Variants in ZMIZ1 observed in about 807,000 individuals in gnomAD.
ZMIZ1 encodes the protein zinc finger MIZ domain-containing protein 1.
Under a neutral mutation model 113.9 loss-of-function variants are expected in ZMIZ1, and 17 were observed. The observed-to-expected ratio is 0.15, with a 90% CI of 0.10 to 0.22. The LOEUF (loss-of-function observed/expected upper bound fraction) is 0.22, where lower values mean the gene tolerates loss of function less well. ZMIZ1 is among the 10% of genes least tolerant of loss of function. The pLI, the probability that ZMIZ1 is intolerant of heterozygous loss-of-function variation, is 1.00. For missense variants in ZMIZ1, 1,059 were observed against 1,477.8 expected, an observed-to-expected ratio of 0.72 and a Z score of 4.65; for synonymous variants, 607 against 603.1, an observed-to-expected ratio of 1.01 and a Z score of -0.09.
At chr10:79,235,492 G>GT (rs1473903425) in intron 7 of ZMIZ1, among the ~76,000 whole-genome samples, 2 of 152,168 alleles carry the variant, frequency 1.3e-5, no homozygotes, top group Non-Finnish European at 2.9e-5. Context: ...CACCAGTACA[G>GT]GGTCCCTTCT....
chr10:79,081,919 C>T (rs747994106), intron 1 of ZMIZ1, among the ~76,000 whole-genome samples: 9 of 152,244 alleles, frequency 5.9e-5, no homozygotes, highest in Non-Finnish European at 1.2e-4. Flanking sequence ...GCCCTGGAGA[C>T]CATCCAGGCC....
chr10:79,311,294 TGGGCGG>T, intron 24 of ZMIZ1, 110 bp downstream of exon 24: 7 of 99,144 alleles, frequency 7.1e-5, no homozygotes, highest in Non-Finnish European at 1.1e-4. Flanking sequence ...AGGAGGTGGG[TGGGCGG>T]TGGGAGGGCT....
intron 6 of ZMIZ1, among the ~76,000 whole-genome samples, chr10:79,214,740 TG>T (rs1212531303): frequency 6.6e-6 from 1 of 152,192 alleles, no homozygotes; most frequent in Non-Finnish European, 1.5e-5. Flanking sequence ...CTACCACATC[TG>T]GGTGCTCTCC....
intron 1 of ZMIZ1, among the ~76,000 whole-genome samples, chr10:79,076,677 T>C (rs1842485736): frequency 6.6e-6 from 1 of 152,114 alleles, no homozygotes; most frequent in Middle Eastern, 3.4e-3. Context: ...CTGCTAAAGA[T>C]ACAAAAATTA....
At chr10:79,292,652 G>C (rs971746073) in intron 11 of ZMIZ1, 2 of 499,858 alleles carry the variant, frequency 4.0e-6, no homozygotes, top group Admixed American at 2.7e-5. Flanking sequence ...GGTTCTACAT[G>C]GCTCTCTGGG....
chr10:79,210,049 C>T (rs1216804834), intron 6 of ZMIZ1, among the ~76,000 whole-genome samples: 2 of 152,246 alleles, frequency 1.3e-5, no homozygotes, highest in African/African-American at 4.8e-5. Context: ...ATCCCCTTCT[C>T]CCTCCGCCCC....
intron 1 of ZMIZ1, among the ~76,000 whole-genome samples, chr10:79,086,169 G>C (rs1304804549): frequency 1.3e-5 from 2 of 152,198 alleles, no homozygotes; most frequent in Admixed American, 1.3e-4. Flanking sequence ...AAAGGGCCTT[G>C]CCATGGTTGA....
chr10:79,114,485 G>C lies in ZMIZ1; in HGVS notation c.-336-4430G>C, dbSNP rs867152549. The stretch of plus-strand genomic sequence containing the variant: ...TGTATGTGTGTGTGTGTCTGTGTGT[G>C]TGTGTGTGCGTGTGTGTGTGCGTGT... On this transcript the variant is annotated intron_variant, in intron 1 of 24. Coordinates refer to ENST00000334512, the MANE Select transcript of ZMIZ1 (RefSeq NM_020338.4). Among the ~76,000 whole-genome samples, 685 of 103,664 alleles carry C rather than the reference G, an allele frequency of 6.6e-3. 9 individuals carry two copies. The highest frequency in any genetic ancestry group is 0.023 in the African/African-American group (648 of 27,606). The allele number at this position is 103,664 out of a possible 152,430, so 68.0% of individuals were successfully genotyped here. A position where few individuals can be genotyped will look rare whatever the true frequency, so the allele number is the denominator to read the frequency against.
Position 79,074,650 on chromosome 10 carries a change from C to T in ZMIZ1, c.-337+5380C>T, listed in dbSNP as rs575792024. 9.8e-5 allele frequency among the ~76,000 whole-genome samples: 15 copies of T among 152,350 alleles called. No individual in the cohort carries two copies. In the South Asian group the frequency reaches 1.7e-3, roughly 17 times the overall value. ...TCCTATGGTTTCTGTAGTCCCTCTT[C>T]GGGCTGAGTCAGTCCCCAGGCTATG... is the stretch of plus-strand genomic sequence containing the variant. On this transcript the variant is annotated intron_variant, in intron 1 of 24. Transcript: ENST00000334512.
intron 9 of ZMIZ1, 55 bp from the exon 10 acceptor site, chr10:79,290,904 C>T (rs1352632671): frequency 1.3e-6 from 2 of 1,595,426 alleles, no homozygotes; most frequent in Non-Finnish European, 1.7e-6. Context: ...ATCCCTCTTC[C>T]TCTCCACACT....
intron 11 of ZMIZ1, chr10:79,292,840 C>A: frequency 2.2e-6 from 1 of 462,918 alleles, no homozygotes; most frequent in Non-Finnish European, 4.3e-6. Context: ...AGAGGGGAGC[C>A]CCCATAGGAA....
At chr10:79,183,637 G>A (rs1220282701) in intron 4 of ZMIZ1, among the ~76,000 whole-genome samples, 2 of 152,242 alleles carry the variant, frequency 1.3e-5, no homozygotes, top group East Asian at 3.9e-4. Context: ...CATTGGCACT[G>A]TGAGTTACTA....
intron 7 of ZMIZ1, among the ~76,000 whole-genome samples, chr10:79,217,762 C>G (rs1848798169): frequency 6.6e-6 from 1 of 152,210 alleles, no homozygotes; most frequent in South Asian, 2.1e-4. Flanking sequence ...TGTGTGGTGG[C>G]CTCATTAGCC....
At chr10:79,163,768 G>A (rs1156583380) in intron 4 of ZMIZ1, among the ~76,000 whole-genome samples, 5 of 152,222 alleles carry the variant, frequency 3.3e-5, no homozygotes, top group South Asian at 2.1e-4. Context: ...TGCCCAGCCC[G>A]CCAAGTCCGC....
At chr10:79,248,557 C>T (rs1589484554) in intron 7 of ZMIZ1, among the ~76,000 whole-genome samples, 2 of 152,110 alleles carry the variant, frequency 1.3e-5, no homozygotes, top group African/African-American at 4.8e-5. Flanking sequence ...AGTGCGAGGT[C>T]GGCGTCCTGC....
intron 1 of ZMIZ1, among the ~76,000 whole-genome samples, chr10:79,070,048 C>G (rs535967163): frequency 6.6e-6 from 1 of 150,444 alleles, no homozygotes; most frequent in South Asian, 2.1e-4. Context: ...GTAATTTCCC[C>G]GTGTTCTTTC....
At chr10:79,272,799 T>C (rs74517371) in intron 7 of ZMIZ1, among the ~76,000 whole-genome samples, 5,153 of 152,218 alleles carry the variant, frequency 0.034, 130 homozygotes, top group Middle Eastern at 0.061. Flanking sequence ...TGCTTTTACG[T>C]TTTACGCTGA....
At chr10:79,233,737 G>A (rs1849484947) in intron 7 of ZMIZ1, among the ~76,000 whole-genome samples, 4 of 144,480 alleles carry the variant, frequency 2.8e-5, no homozygotes. Flanking sequence ...ATCAGCAGGG[G>A]CCTGGCTCCT....
At chr10:79,150,569 T>A (rs1845674135) in intron 3 of ZMIZ1, among the ~76,000 whole-genome samples, 1 of 152,200 alleles carries the variant, frequency 6.6e-6, no homozygotes, top group African/African-American at 2.4e-5. Context: ...TCCACCAACC[T>A]GCTGGTGCAC....
Sources: allele counts gnomAD v4.1 joint callset (sites outside exome capture counted in the v4.1 genomes callset), GRCh38; gene constraint gnomAD v4.1.1; transcripts MANE v1.5; gene names NCBI Gene and HGNC (gene_info 2026-07-23, HGNC 2026-07-21).